The following CDH4 variants were observed in gnomAD, a reference collection of about 807,000 sequenced individuals.
CDH4 encodes the protein cadherin-4.
Under a neutral mutation model 86.0 loss-of-function variants are expected in CDH4, and 33 were observed. The ratio of observed to expected loss-of-function variants is 0.38; its 90% confidence interval spans 0.29 to 0.51. The LOEUF (loss-of-function observed/expected upper bound fraction) is 0.51, where lower values mean the gene tolerates loss of function less well. Among genes scored for constraint, CDH4 ranks in the 20% least tolerant of loss-of-function variants. CDH4 has a pLI of 0.86. For missense variants in CDH4, 1,114 were observed against 1,307.4 expected (o/e 0.85, Z 2.28); for synonymous variants, 555 against 549.4 (o/e 1.01, Z -0.14).
At chr20:61,259,795 G>A (rs564980932) in intron 2 of CDH4, among the ~76,000 whole-genome samples, 174 of 152,238 alleles carry the variant, frequency 1.1e-3, no homozygotes, top group African/African-American at 4.0e-3. Context: ...TCTGGTCACC[G>A]GTATCTAATT....
intron 2 of CDH4, among the ~76,000 whole-genome samples, chr20:61,610,525 G>C (rs114064834): frequency 0.031 from 4,772 of 152,230 alleles, 180 homozygotes; most frequent in African/African-American, 0.099. Context: ...CCAGCAGTGG[G>C]GTTGCTGGGT....
intron 2 of CDH4, among the ~76,000 whole-genome samples, chr20:61,557,356 T>C (rs1260449597): frequency 2.6e-5 from 4 of 152,206 alleles, no homozygotes; most frequent in African/African-American, 9.6e-5. Flanking sequence ...GCAGGTCCCC[T>C]GCAGCTGAGA....
At chr20:61,767,541 C>T (rs866742935) in intron 3 of CDH4, among the ~76,000 whole-genome samples, 5 of 152,068 alleles carry the variant, frequency 3.3e-5, no homozygotes, top group African/African-American at 9.7e-5. Context: ...GGGCCTTGGG[C>T]GGTGGAGGTG....
At chr20:61,396,861 C>T (rs1346281239) in intron 2 of CDH4, among the ~76,000 whole-genome samples, 2 of 152,204 alleles carry the variant, frequency 1.3e-5, no homozygotes, top group African/African-American at 2.4e-5. Flanking sequence ...TTTCATGATA[C>T]ACTTTTTAAT....
intron 2 of CDH4, among the ~76,000 whole-genome samples, chr20:61,680,886 G>A (rs1214351721): frequency 6.6e-6 from 1 of 152,158 alleles, no homozygotes; most frequent in Non-Finnish European, 1.5e-5. Flanking sequence ...GCCAGGGGTG[G>A]CCGCCTGTCT....
intron 2 of CDH4, among the ~76,000 whole-genome samples, chr20:61,428,702 C>T (rs568735990): frequency 2.0e-5 from 3 of 152,308 alleles, no homozygotes; most frequent in South Asian, 2.1e-4. Context: ...GTTCTCTTCT[C>T]GATCTGGATG....
rs1018731609 is a variant in CDH4 at position 61,815,852 on chromosome 20, A to G, written c.577-28816A>G. On this transcript the variant is annotated intron_variant, in intron 4 of 15. Coordinates refer to ENST00000614565, the MANE Select transcript of CDH4 (RefSeq NM_001794.5). ...AAGCTCCCACTTGCCCAGGTTTGGAACCAGGACTGTGTTTATCTGTCCTTG... is the reference window on the plus strand; with the variant it reads ...AAGCTCCCACTTGCCCAGGTTTGGAGCCAGGACTGTGTTTATCTGTCCTTG... Among the ~76,000 whole-genome samples, 5 of 152,196 alleles carry G rather than the reference A, an allele frequency of 3.3e-5. No homozygotes were observed. The South Asian group carries it at 6.2e-4, about 19-fold the overall frequency.
chr20:61,514,885 C>A (rs1000174499), intron 2 of CDH4, among the ~76,000 whole-genome samples: 7 of 152,144 alleles, frequency 4.6e-5, no homozygotes, highest in African/African-American at 1.7e-4. Flanking sequence ...GGCACCTGGG[C>A]GGCAGCCATG....
intron 2 of CDH4, among the ~76,000 whole-genome samples, chr20:61,457,298 C>T (rs1418475042): frequency 2.0e-5 from 3 of 152,132 alleles, no homozygotes; most frequent in Non-Finnish European, 2.9e-5. Flanking sequence ...CACTCTCTAC[C>T]GTCTGTGGAG....
At position 61,339,331 on chromosome 20, in the gene CDH4, A is replaced by C. The variant is rs576955511; in HGVS notation, c.169+84394A>C. Among the ~76,000 whole-genome samples the C allele has an allele frequency of 5.9e-5, 9 of 152,256 alleles. No individual in the cohort carries two copies. The East Asian group carries it at 1.6e-3, about 26-fold the overall frequency. ...AGGTCTTCCACTGATGGTGATGATG[A>C]TGATGGTATAATGGTGATACTTCGA... On this transcript the variant is annotated intron_variant, in intron 2 of 15. Transcript: ENST00000614565.
intron 2 of CDH4, among the ~76,000 whole-genome samples, chr20:61,546,098 AGGGGTGTGTGTG>A (rs1411788816): frequency 1.9e-4 from 16 of 86,388 alleles, no homozygotes; most frequent in South Asian, 8.2e-4. Context: ...GTGTGTGTGG[AGGGGTGTGTGTG>A]CATGTGTGTG....
chr20:61,800,378 G>C (rs1232983374), intron 4 of CDH4, among the ~76,000 whole-genome samples: 1 of 152,212 alleles, frequency 6.6e-6, no homozygotes, highest in East Asian at 1.9e-4. Context: ...TACGCCAAGA[G>C]TCCCATGCCC....
chr20:61,371,762 T>G (rs1212604544), intron 2 of CDH4, among the ~76,000 whole-genome samples: 1 of 152,216 alleles, frequency 6.6e-6, no homozygotes, highest in Non-Finnish European at 1.5e-5. Context: ...CTGGGCCGCA[T>G]GGAAGGCGAA....
chr20:61,735,070 AAG>A (rs1363959012), intron 2 of CDH4, among the ~76,000 whole-genome samples: 1 of 152,176 alleles, frequency 6.6e-6, no homozygotes, highest in South Asian at 2.1e-4. Context: ...AGGGGCCAGA[AAG>A]AGAGAGGGGT....
chr20:61,527,440 G>A (rs538335023), intron 2 of CDH4, among the ~76,000 whole-genome samples: 2 of 152,174 alleles, frequency 1.3e-5, no homozygotes, highest in Admixed American at 6.5e-5. Context: ...AGTAGAGACA[G>A]GGTTTCACCC....
At chr20:61,900,888 C>T (rs1002581132) in intron 8 of CDH4, among the ~76,000 whole-genome samples, 9 of 152,338 alleles carry the variant, frequency 5.9e-5, no homozygotes, top group Non-Finnish European at 1.2e-4. Context: ...GGATATCAGT[C>T]CCTTGGCAGC....
chr20:61,787,773 T>C (rs1978960020), intron 4 of CDH4, among the ~76,000 whole-genome samples: 1 of 152,224 alleles, frequency 6.6e-6, no homozygotes, highest in South Asian at 2.1e-4. Flanking sequence ...GAGGACTGAA[T>C]GCAGTGGCAG....
At chr20:61,547,465 C>T (rs1239758798) in intron 2 of CDH4, among the ~76,000 whole-genome samples, 2 of 151,848 alleles carry the variant, frequency 1.3e-5, no homozygotes, top group East Asian at 1.9e-4. Flanking sequence ...CCACCCACCT[C>T]AGCCTCCCAA....
intron 2 of CDH4, among the ~76,000 whole-genome samples, chr20:61,559,538 T>TTTTTG (rs1382302946): frequency 2.8e-5 from 4 of 143,034 alleles, no homozygotes; most frequent in African/African-American, 1.1e-4. Context: ...TTTTTTTTTT[T>TTTTTG]GACACAGAGT....
Sources: allele counts gnomAD v4.1 joint callset (sites outside exome capture counted in the v4.1 genomes callset), GRCh38; gene constraint gnomAD v4.1.1; transcripts MANE v1.5; gene names NCBI Gene and HGNC (gene_info 2026-07-23, HGNC 2026-07-21).